The following PDE10A variants were observed in gnomAD, a reference collection of about 807,000 sequenced individuals.
PDE10A encodes the protein phosphodiesterase 10A, also known as cAMP and cAMP-inhibited cGMP 3',5'-cyclic phosphodiesterase 10A.
A neutral mutation model predicts 97.7 loss-of-function variants in PDE10A; 39 were observed. The ratio of observed to expected loss-of-function variants is 0.40; its 90% CI spans 0.31 to 0.52. PDE10A has a LOEUF of 0.52. Ranked by LOEUF, PDE10A falls within the 20% of genes least tolerant of loss-of-function variation. PDE10A has a pLI of 0.56. For missense variants in PDE10A, 731 were observed against 1,047.8 expected (o/e 0.70, Z 4.17); for synonymous variants, 371 against 376.8 (o/e 0.98, Z 0.18).
intron 13 of PDE10A, among the ~76,000 whole-genome samples, chr6:165,405,183 G>C (rs1308913381): frequency 6.6e-6 from 1 of 152,172 alleles, no homozygotes; most frequent in Admixed American, 6.5e-5. Flanking sequence ...CTAGCTGTGT[G>C]CCCCAAATGC....
intron 1 of PDE10A, among the ~76,000 whole-genome samples, chr6:165,937,757 A>G (rs760863601): frequency 6.6e-6 from 1 of 152,186 alleles, no homozygotes; most frequent in East Asian, 1.9e-4. Context: ...GCAAATCACA[A>G]TTAAACACGA....
chr6:165,520,666 A>G (rs1205176508), intron 2 of PDE10A, among the ~76,000 whole-genome samples: 2 of 152,210 alleles, frequency 1.3e-5, no homozygotes, highest in African/African-American at 4.8e-5. Flanking sequence ...GAAGTCCTCA[A>G]TGGCCCTTTA....
At chr6:165,450,646 C>T (rs1791225448) in intron 3 of PDE10A, among the ~76,000 whole-genome samples, 1 of 152,022 alleles carries the variant, frequency 6.6e-6, no homozygotes. Flanking sequence ...CTGCAACCTC[C>T]ACCTCCTGGG....
At chr6:165,381,566 G>A (rs1784925644) in intron 17 of PDE10A, among the ~76,000 whole-genome samples, 2 of 151,536 alleles carry the variant, frequency 1.3e-5, no homozygotes, top group South Asian at 2.1e-4. Flanking sequence ...CTGGATTCAA[G>A]CGATTCTCCT....
intron 1 of PDE10A, among the ~76,000 whole-genome samples, chr6:165,953,177 T>C (rs1409101511): frequency 6.6e-6 from 1 of 152,218 alleles, no homozygotes; most frequent in Non-Finnish European, 1.5e-5. Context: ...TCCAACCATC[T>C]AGTTAATAGT....
intron 1 of PDE10A, among the ~76,000 whole-genome samples, chr6:165,915,765 A>T (rs753512942): frequency 6.6e-6 from 1 of 152,206 alleles, no homozygotes; most frequent in Non-Finnish European, 1.5e-5. Context: ...TTACAAAATC[A>T]TGGCCATGTA....
chr6:165,745,273 G>A (rs969938823), intron 1 of PDE10A, among the ~76,000 whole-genome samples: 2 of 152,004 alleles, frequency 1.3e-5, no homozygotes, highest in East Asian at 1.9e-4. Flanking sequence ...TGTATTATCC[G>A]CCATATATAT....
At chr6:165,419,972 T>G (rs992838464) in intron 10 of PDE10A, among the ~76,000 whole-genome samples, 1 of 152,202 alleles carries the variant, frequency 6.6e-6, no homozygotes, top group African/African-American at 2.4e-5. Context: ...CTATTACATG[T>G]TTGTACTCAC....
At chr6:165,696,855 A>G (rs997496504) in intron 1 of PDE10A, among the ~76,000 whole-genome samples, 5 of 152,218 alleles carry the variant, frequency 3.3e-5, no homozygotes, top group Admixed American at 2.6e-4. Context: ...AACTATGAAA[A>G]AGAGCCAAGA....
rs557527470 is a variant in PDE10A at position 165,862,727 on chromosome 6, G to A, written c.-615+124802C>T. 3.2e-4 allele frequency among the ~76,000 whole-genome samples: 48 copies of A among 149,006 alleles called. 1 individual carries two copies. Among genetic ancestry groups the A allele is most frequent in the Non-Finnish European group, 1.5e-4 (10 of 67,642 alleles). On this transcript the variant is annotated intron_variant, in intron 1 of 19. Transcript: ENST00000366882. ...CGGAGTCTTCCTCTGTCACCCAGGC[G>A]GAGTGCAGTGGCACCATCTCAGCTC...
At chr6:165,861,016 A>C (rs1398243272) in intron 1 of PDE10A, among the ~76,000 whole-genome samples, 2 of 152,224 alleles carry the variant, frequency 1.3e-5, no homozygotes, top group African/African-American at 4.8e-5. Context: ...CACTCAACAC[A>C]TGTTGACAGG....
chr6:165,906,254 C>A (rs376473535), intron 1 of PDE10A, among the ~76,000 whole-genome samples: 1 of 151,090 alleles, frequency 6.6e-6, no homozygotes, highest in Non-Finnish European at 1.5e-5. Context: ...GCTCCAAGGG[C>A]GCAGTGGAAA....
At chr6:165,636,644 G>A (rs1417043861) in intron 1 of PDE10A, among the ~76,000 whole-genome samples, 7 of 152,158 alleles carry the variant, frequency 4.6e-5, no homozygotes. Context: ...CAATACTTAC[G>A]GTTCACAAAA....
intron 1 of PDE10A, among the ~76,000 whole-genome samples, chr6:165,770,463 A>T (rs1777974185): frequency 6.6e-6 from 1 of 152,180 alleles, no homozygotes; most frequent in South Asian, 2.1e-4. Flanking sequence ...TCCTTCCAGG[A>T]TGTTCCCTAT....
At chr6:165,408,222 T>C (rs530889336) in intron 13 of PDE10A, among the ~76,000 whole-genome samples, 2 of 152,198 alleles carry the variant, frequency 1.3e-5, no homozygotes, top group Admixed American at 6.5e-5. Context: ...CGGTCAACAA[T>C]TAAAAAGCAC....
chr6:165,669,439 AG>A (rs1790586172), intron 1 of PDE10A, among the ~76,000 whole-genome samples: 1 of 152,196 alleles, frequency 6.6e-6, no homozygotes, highest in South Asian at 2.1e-4. Context: ...TCAACAAAGG[AG>A]GATCTCCTCC....
intron 17 of PDE10A, among the ~76,000 whole-genome samples, chr6:165,385,180 G>T (rs1343421353): frequency 6.6e-6 from 1 of 152,060 alleles, no homozygotes; most frequent in Non-Finnish European, 1.5e-5. Flanking sequence ...GGACTTGGTG[G>T]TAACAGGATG....
chr6:165,647,716 G>A (rs138122110), intron 1 of PDE10A, among the ~76,000 whole-genome samples: 37 of 152,296 alleles, frequency 2.4e-4, no homozygotes, highest in African/African-American at 8.7e-4. Flanking sequence ...GATGCTCTCA[G>A]CAGCCTTTCT....
At chr6:165,832,588 G>A (rs1053725649) in intron 1 of PDE10A, among the ~76,000 whole-genome samples, 6 of 152,124 alleles carry the variant, frequency 3.9e-5, no homozygotes, top group East Asian at 3.9e-4. Flanking sequence ...TTCGAGCTCC[G>A]CTGCCTTCTC....
Sources: gnomAD v4.1 joint callset for allele counts (sites outside exome capture counted in the v4.1 genomes callset) on GRCh38, gnomAD v4.1.1 for gene constraint, MANE v1.5 for transcripts, NCBI Gene and HGNC (gene_info 2026-07-23, HGNC 2026-07-21) for gene names.